Variants in PLD5 observed in about 807,000 individuals in gnomAD.
The protein encoded by PLD5 is inactive phospholipase D5.
PLD5 carries 36 observed loss-of-function variants against 61.1 expected under a neutral mutation model. The ratio of observed to expected loss-of-function variants is 0.59; its 90% CI spans 0.45 to 0.78. The LOEUF is 0.78. PLD5 is among the 30% of genes least tolerant of loss of function. The probability of loss-of-function intolerance (pLI) is 0.00; values close to 1 mark genes in which losing one functional copy is unlikely to be tolerated. For synonymous variants in PLD5, 243 were observed against 242.8 expected (o/e 1.00, Z -0.01); for missense variants, 515 against 644.4 (o/e 0.80, Z 2.17).
intron 2 of PLD5, among the ~76,000 whole-genome samples, chr1:242,299,637 T>C (rs1675914907): frequency 6.6e-6 from 1 of 152,234 alleles, no homozygotes; most frequent in Non-Finnish European, 1.5e-5. Flanking sequence ...GTCATGAATG[T>C]CCTGGGGCAT....
intron 2 of PLD5, among the ~76,000 whole-genome samples, chr1:242,316,809 T>G (rs1008023673): frequency 2.0e-5 from 3 of 150,926 alleles, no homozygotes; most frequent in Non-Finnish European, 4.4e-5. Flanking sequence ...TGCTCCCCTC[T>G]TCGTGTCCCT....
At chr1:242,362,841 A>G (rs1661144545) in intron 1 of PLD5, among the ~76,000 whole-genome samples, 1 of 152,008 alleles carries the variant, frequency 6.6e-6, no homozygotes, top group African/African-American at 2.4e-5. Context: ...ATTTACTCCC[A>G]AGGCACCCCT....
intron 1 of PLD5, among the ~76,000 whole-genome samples, chr1:242,510,193 G>A (rs993197455): frequency 1.3e-5 from 2 of 151,846 alleles, no homozygotes; most frequent in African/African-American, 2.4e-5. Flanking sequence ...TTTCCCGCAC[G>A]CAGGCCAAAT....
chr1:242,379,592 C>A (rs1662166512), intron 1 of PLD5, among the ~76,000 whole-genome samples: 1 of 151,906 alleles, frequency 6.6e-6, no homozygotes, highest in African/African-American at 2.4e-5. Flanking sequence ...CAGCAGAGCC[C>A]TCTTCATTGC....
intron 4 of PLD5, among the ~76,000 whole-genome samples, chr1:242,253,158 C>CT (rs1672808789): frequency 7.4e-6 from 1 of 134,420 alleles, no homozygotes; most frequent in Non-Finnish European, 1.6e-5. Context: ...CTCACTCTAT[C>CT]GCCTGGCTGG....
At chr1:242,386,172 C>T (rs150934586) in intron 1 of PLD5, among the ~76,000 whole-genome samples, 112 of 152,268 alleles carry the variant, frequency 7.4e-4, no homozygotes, top group African/African-American at 2.5e-3. Context: ...ACCCTAACCA[C>T]TTTATTTTAA....
intron 1 of PLD5, among the ~76,000 whole-genome samples, chr1:242,383,107 T>C (rs911947776): frequency 1.3e-5 from 2 of 152,190 alleles, no homozygotes; most frequent in African/African-American, 4.8e-5. Context: ...GCTGCTGGAA[T>C]GGAATCAGCG....
chr1:242,497,984 AG>A (rs1668427691), intron 1 of PLD5, among the ~76,000 whole-genome samples: 1 of 143,910 alleles, frequency 6.9e-6, no homozygotes, highest in Non-Finnish European at 1.5e-5. Flanking sequence ...ATTTTTTTTG[AG>A]ATGGAGTCTC....
chr1:242,512,381 C>T (rs1467474756), intron 1 of PLD5, among the ~76,000 whole-genome samples: 4 of 147,776 alleles, frequency 2.7e-5, no homozygotes, highest in Non-Finnish European at 5.9e-5. Context: ...GATCGTGCCA[C>T]TGCACTCCAG....
chr1:242,258,172 A>C (rs1441084740), intron 4 of PLD5, among the ~76,000 whole-genome samples: 1 of 152,178 alleles, frequency 6.6e-6, no homozygotes, highest in African/African-American at 2.4e-5. Context: ...GTAATAGAGC[A>C]GTTTTTGCTT....
At chr1:242,527,272 A>T (rs1451955514), upstream of PLD5, among the ~76,000 whole-genome samples, 1 of 151,696 alleles carries the variant, frequency 6.6e-6, no homozygotes, top group East Asian at 1.9e-4. Context: ...CTGGAATTAT[A>T]GGCATGCACT....
intron 9 of PLD5, among the ~76,000 whole-genome samples, chr1:242,092,013 A>G (rs146700412): frequency 0.028 from 4,249 of 151,948 alleles, 99 homozygotes; most frequent in Admixed American, 0.066. Context: ...TTTTTAGTAG[A>G]GACGGGGTTT....
rs528837574 is a variant in PLD5, at chr1:242,230,551, G to A, written c.608-10436C>T. On this transcript the variant is annotated intron_variant, in intron 4 of 9. Transcript: ENST00000536534. ...GCTTTAATTCTTATTAACCAGTACAGTTCAATCAATTTAATTACCAACATT... is the reference window on the plus strand; with the variant it reads ...GCTTTAATTCTTATTAACCAGTACAATTCAATCAATTTAATTACCAACATT... Among the ~76,000 whole-genome samples, 11 of 152,210 alleles carry A rather than the reference G, an allele frequency of 7.2e-5. No homozygotes were observed. The South Asian group carries it at 1.9e-3, about 26-fold the overall frequency.
intron 1 of PLD5, among the ~76,000 whole-genome samples, chr1:242,515,217 T>TGA (rs1321905721): frequency 1.3e-4 from 20 of 151,722 alleles, no homozygotes; most frequent in African/African-American, 4.9e-4. Context: ...TGTGTGTGTG[T>TGA]GTGAGAGAGA....
At chr1:242,146,347 A>G in intron 5 of PLD5, among the ~76,000 whole-genome samples, 1 of 152,226 alleles carries the variant, frequency 6.6e-6, no homozygotes, top group East Asian at 1.9e-4. Flanking sequence ...AAGATAATAC[A>G]ACCAGTAAGT....
intron 3 of PLD5, among the ~76,000 whole-genome samples, chr1:242,287,216 G>A (rs957614128): frequency 2.6e-5 from 4 of 152,108 alleles, no homozygotes; most frequent in East Asian, 1.9e-4. Flanking sequence ...CCAGATATGT[G>A]AGGAAAGCCA....
intron 2 of PLD5, among the ~76,000 whole-genome samples, chr1:242,333,124 AG>A (rs1659289589): frequency 6.6e-6 from 1 of 152,162 alleles, no homozygotes; most frequent in South Asian, 2.1e-4. Context: ...TGAGCGTGGA[AG>A]TTGCTAAAAG....
At chr1:242,458,988 T>C (rs1370293441) in intron 1 of PLD5, among the ~76,000 whole-genome samples, 2 of 152,224 alleles carry the variant, frequency 1.3e-5, no homozygotes, top group Non-Finnish European at 2.9e-5. Context: ...GGAGTTGCAT[T>C]ACATCAGTCT....
At chr1:242,285,445 C>T (rs1285527789) in intron 3 of PLD5, among the ~76,000 whole-genome samples, 1 of 152,102 alleles carries the variant, frequency 6.6e-6, no homozygotes, top group African/African-American at 2.4e-5. Flanking sequence ...TTGCAGTGAG[C>T]CAAGATCACA....
Sources: gnomAD v4.1 joint callset for allele counts (sites outside exome capture counted in the v4.1 genomes callset) on GRCh38, gnomAD v4.1.1 for gene constraint, MANE v1.5 for transcripts, NCBI Gene and HGNC (gene_info 2026-07-23, HGNC 2026-07-21) for gene names.